The following CYSLTR1 variants were observed in gnomAD, a reference collection of about 807,000 sequenced individuals.
CYSLTR1 encodes the protein G-protein coupled receptor HG55.
CYSLTR1 carries 1 observed loss-of-function variant against 2.1 expected under a neutral mutation model. That is an observed-to-expected ratio of 0.48 (90% CI 0.17 to 2.28). CYSLTR1 has a LOEUF of 2.28. Ranked by LOEUF, CYSLTR1 falls within the 30% of genes most tolerant of loss-of-function variation. CYSLTR1 has a pLI of 0.26. For missense variants in CYSLTR1, 299 were observed against 250.1 expected (o/e 1.20, Z -1.32); for synonymous variants, 110 against 89.6 (o/e 1.23, Z -1.28).
rs199931252 is a variant in CYSLTR1 at position 78,273,058 on chromosome X, T to G, written c.689A>C (p.Lys230Thr). The part of the protein sequence containing the change: ...SMKKNLSSHK[K>T]AIGMIMVVTA... ...CACGACCATGATCATTCCTATAGCC[T>G]TTTTATGACTTGACAGATTTTTTTT... The change falls in exon 3 of 3, where the codon AAG (lysine) becomes ACG (threonine). Residue 230 changes from lysine to threonine, a missense_variant. Physicochemically the swap from Lys to Thr is moderately conservative, Grantham distance 78. Coordinates refer to ENST00000373304, the MANE Select transcript of CYSLTR1 (RefSeq NM_006639.4). 27 of 1,210,632 alleles carry G rather than the reference T, an allele frequency of 2.2e-5. No individual in the cohort carries two copies. Among genetic ancestry groups the G allele is most frequent in the Non-Finnish European group, 2.9e-5 (26 of 894,734 alleles).
At chrX:78,306,128 T>C (rs913437933) in intron 1 of CYSLTR1, among the ~76,000 whole-genome samples, 7 of 112,357 alleles carry the variant, frequency 6.2e-5, no homozygotes, top group Non-Finnish European at 9.4e-5. Flanking sequence ...ATTTGTGGGA[T>C]CTAAAAATCA....
intron 1 of CYSLTR1, among the ~76,000 whole-genome samples, chrX:78,286,722 T>G (rs1418137486): frequency 9.8e-6 from 1 of 101,946 alleles, no homozygotes; most frequent in Non-Finnish European, 2.0e-5. Context: ...TTCCCACCTA[T>G]GAGTGAGAAC....
chrX:78,276,817 G>C (rs1385795956), intron 2 of CYSLTR1, among the ~76,000 whole-genome samples: 1 of 110,762 alleles, frequency 9.0e-6, no homozygotes, highest in Admixed American at 9.7e-5. Flanking sequence ...ATTGAAAGTG[G>C]ACAGATGGAG....
intron 2 of CYSLTR1, 123 bp from the exon 3 acceptor site, chrX:78,273,896 G>T: frequency 1.8e-6 from 1 of 568,823 alleles, no homozygotes; most frequent in Non-Finnish European, 2.7e-6. Context: ...AGAGTAGTGA[G>T]GCATTGAGGA....
chrX:78,274,586 G>T (rs1921485976), intron 2 of CYSLTR1, among the ~76,000 whole-genome samples: 4 of 111,413 alleles, frequency 3.6e-5, no homozygotes, highest in South Asian at 3.7e-4. Context: ...ATTCAAGATG[G>T]ATTAAAGACT....
chrX:78,274,981 CTCA>C (rs1343545380), intron 2 of CYSLTR1, among the ~76,000 whole-genome samples: 2 of 111,631 alleles, frequency 1.8e-5, no homozygotes, highest in Non-Finnish European at 3.8e-5. Context: ...TGAAAAAATG[CTCA>C]TCATCACTGG....
chrX:78,280,817 T>C (rs1186610352), intron 2 of CYSLTR1, among the ~76,000 whole-genome samples: 2 of 111,780 alleles, frequency 1.8e-5, no homozygotes, highest in Non-Finnish European at 3.8e-5. Flanking sequence ...TTCCCACTTA[T>C]AAGTGAGAAC....
intron 1 of CYSLTR1, among the ~76,000 whole-genome samples, chrX:78,314,868 G>A (rs1314841534): frequency 6.4e-5 from 7 of 109,226 alleles, no homozygotes; most frequent in Non-Finnish European, 1.3e-4. Context: ...TCCTAGGAAC[G>A]TCCTAGTGCT....
At chrX:78,295,014 T>C (rs1284446450) in intron 1 of CYSLTR1, among the ~76,000 whole-genome samples, 1 of 112,094 alleles carries the variant, frequency 8.9e-6, no homozygotes, top group African/African-American at 3.2e-5. Flanking sequence ...CCCAATGAGA[T>C]GAAACAGGTA....
At chrX:78,313,740 T>A (rs949955762) in intron 1 of CYSLTR1, among the ~76,000 whole-genome samples, 6 of 111,487 alleles carry the variant, frequency 5.4e-5, no homozygotes, top group Admixed American at 9.5e-5. Flanking sequence ...GTAACCAAGA[T>A]GGAATGTGAA....
intron 1 of CYSLTR1, chrX:78,319,930 C>T (rs2147276552): frequency 8.9e-6 from 1 of 112,080 alleles, no homozygotes; most frequent in South Asian, 3.7e-4. Context: ...AGTGTCTGTT[C>T]ATATCCTTCG....
intron 1 of CYSLTR1, chrX:78,318,762 AAT>A (rs1424887264): frequency 9.0e-6 from 1 of 111,669 alleles, no homozygotes; most frequent in African/African-American, 3.3e-5. Flanking sequence ...CAATGACAGT[AAT>A]AGTCTTCCAG....
At chrX:78,314,408 T>C (rs1923330535) in intron 1 of CYSLTR1, among the ~76,000 whole-genome samples, 1 of 111,735 alleles carries the variant, frequency 8.9e-6, no homozygotes, top group East Asian at 2.8e-4. Context: ...TCCCTGCAGG[T>C]ATGTCACTTT....
At chrX:78,289,945 T>G (rs1922245449) in intron 1 of CYSLTR1, among the ~76,000 whole-genome samples, 1 of 112,030 alleles carries the variant, frequency 8.9e-6, no homozygotes, top group Non-Finnish European at 1.9e-5. Context: ...TTTCTTCTGC[T>G]GTGCAGAAGC....
intron 1 of CYSLTR1, among the ~76,000 whole-genome samples, chrX:78,290,671 C>T (rs773501969): frequency 8.9e-6 from 1 of 111,776 alleles, no homozygotes; most frequent in East Asian, 2.8e-4. Flanking sequence ...AGGTCCTTCA[C>T]ATCCCTTGTA....
intron 1 of CYSLTR1, among the ~76,000 whole-genome samples, chrX:78,293,619 C>G (rs1922449911): frequency 8.9e-6 from 1 of 112,082 alleles, no homozygotes; most frequent in African/African-American, 3.2e-5. Flanking sequence ...GTACACCAAT[C>G]AGACGTAGAT....
intron 1 of CYSLTR1, among the ~76,000 whole-genome samples, chrX:78,323,410 A>G (rs1923741482): frequency 8.9e-6 from 1 of 112,236 alleles, no homozygotes; most frequent in South Asian, 3.7e-4. Flanking sequence ...ATTCAAATTC[A>G]GATCAAACAC....
intron 2 of CYSLTR1, among the ~76,000 whole-genome samples, chrX:78,280,810 C>G (rs766331475): frequency 9.0e-6 from 1 of 111,345 alleles, no homozygotes; most frequent in Non-Finnish European, 1.9e-5. Context: ...CATTTAATTC[C>G]CACTTATAAG....
At chrX:78,288,676 C>G (rs1473791882) in intron 1 of CYSLTR1, among the ~76,000 whole-genome samples, 1 of 111,829 alleles carries the variant, frequency 8.9e-6, no homozygotes, top group African/African-American at 3.2e-5. Context: ...AATGGGGTAT[C>G]TTTCTCCTCA....
Sources: allele counts gnomAD v4.1 joint callset (sites outside exome capture counted in the v4.1 genomes callset), GRCh38; gene constraint gnomAD v4.1.1; transcripts MANE v1.5; gene names NCBI Gene and HGNC (gene_info 2026-07-23, HGNC 2026-07-21).